The following KIF13A variants were observed in gnomAD, a reference collection of about 807,000 sequenced individuals.
KIF13A encodes kinesin-like protein KIF13A.
A neutral mutation model predicts 212.2 loss-of-function variants in KIF13A; 79 were observed. That is an observed-to-expected ratio of 0.37 (90% CI 0.31 to 0.45). The LOEUF (loss-of-function observed/expected upper bound fraction) is 0.45, where lower values mean the gene tolerates loss of function less well. Among genes scored for constraint, KIF13A ranks in the 20% least tolerant of loss-of-function variants. The pLI, the probability that KIF13A is intolerant of heterozygous loss-of-function variation, is 1.00. For missense variants in KIF13A, 1,901 were observed against 2,209.0 expected (o/e 0.86, Z 2.79); for synonymous variants, 789 against 808.6 (o/e 0.98, Z 0.41).
At chr6:17,952,978 G>A (rs1778011060) in intron 2 of KIF13A, among the ~76,000 whole-genome samples, 1 of 151,782 alleles carries the variant, frequency 6.6e-6, no homozygotes. Context: ...AGGAAGAGGA[G>A]AAGAAGAGAG....
intron 2 of KIF13A, among the ~76,000 whole-genome samples, chr6:17,973,873 C>A (rs1780037771): frequency 6.6e-6 from 1 of 152,172 alleles, no homozygotes; most frequent in African/African-American, 2.4e-5. Flanking sequence ...AAACAGGGAA[C>A]TGGAGCCCAC....
intron 12 of KIF13A, among the ~76,000 whole-genome samples, chr6:17,832,667 T>G (rs1336297015): frequency 6.7e-6 from 1 of 150,158 alleles, no homozygotes; most frequent in Non-Finnish European, 1.5e-5. Context: ...AAAAATAAAA[T>G]AAAATAAAAT....
intron 38 of KIF13A, among the ~76,000 whole-genome samples, chr6:17,766,725 C>A (rs1239312994): frequency 1.3e-5 from 2 of 151,942 alleles, no homozygotes; most frequent in Non-Finnish European, 2.9e-5. Context: ...TGGCCCATAA[C>A]ATAAATTTGC....
chr6:17,913,724 A>AG (rs1245273287), intron 2 of KIF13A, among the ~76,000 whole-genome samples: 2 of 152,108 alleles, frequency 1.3e-5, no homozygotes, highest in African/African-American at 2.4e-5. Flanking sequence ...CAATCCACCG[A>AG]GGGGGGATTG....
intron 2 of KIF13A, among the ~76,000 whole-genome samples, chr6:17,923,274 CTAAA>C (rs34093488): frequency 0.74 from 107,314 of 145,314 alleles, 39,901 homozygotes; most frequent in African/African-American, 0.79. Flanking sequence ...AACACTGTCC[CTAAA>C]TAAATAAATA....
chr6:17,778,636 A>T (rs1363409703), intron 33 of KIF13A, among the ~76,000 whole-genome samples: 3 of 152,144 alleles, frequency 2.0e-5, no homozygotes, highest in African/African-American at 7.2e-5. Flanking sequence ...GCTAACTTCT[A>T]TCAGCCTCAA....
intron 34 of KIF13A, 103 bp from the exon 35 acceptor site, chr6:17,775,165 C>CAG (rs1759842401): frequency 2.4e-6 from 2 of 835,482 alleles, no homozygotes; most frequent in African/African-American, 3.5e-5. Flanking sequence ...CTGCAGTCTT[C>CAG]ATTCTTCTCC....
chr6:17,856,216 TGTTAAAAGTGTA>T lies in KIF13A; in HGVS notation c.221-106_221-95del. The T allele has an allele frequency of 1.1e-6, 1 of 877,082 alleles. No individual in the cohort carries two copies. Among genetic ancestry groups the T allele is most frequent in the Non-Finnish European group, 1.8e-6 (1 of 554,590 alleles). The allele number at this position is 877,082 out of a possible 1,614,324, so 54.3% of individuals were successfully genotyped here. On this transcript the variant is annotated intron_variant, in intron 4 of 38. Transcript: ENST00000259711. The surrounding 1 kb of genome is among the most constrained non-coding windows in gnomAD (Gnocchi z 4.5). ...ACAATATTATGTCAATTCAAAAAAA[TGTTAAAAGTGTA>T]GTACCGAGTGCCCACTAAGTACAGG...
rs116687840 is a variant in KIF13A, at chr6:17,794,921, T to C, written c.2943-217A>G. On this transcript the variant is annotated intron_variant, in intron 23 of 38. Coordinates refer to ENST00000259711, the MANE Select transcript of KIF13A (RefSeq NM_022113.6). This position sits in a 1 kb window ranked among gnomAD's most constrained non-coding sequence, Gnocchi z 4.1. The stretch of plus-strand genomic sequence containing the variant: ...TAGACTGAAATGTCCACATCTTGAG[T>C]ATAGAGCTCGATGAGTTTTGAGAAA... The C allele has an allele frequency of 6.5e-5, 33 of 506,664 alleles. No homozygotes were observed. Among genetic ancestry groups the C allele is most frequent in the Non-Finnish European group, 8.9e-5 (26 of 291,542 alleles). 31.4% of individuals were successfully genotyped at this position (506,664 alleles called of 1,614,324 possible). A position where few individuals can be genotyped will look rare whatever the true frequency, so the allele number is the denominator to read the frequency against.
Position 17,816,747 on chromosome 6 carries a change from A to G in KIF13A, c.2000+273T>C, listed in dbSNP as rs756452753. Among the ~76,000 whole-genome samples, 1 of 152,262 alleles carries G rather than the reference A, an allele frequency of 6.6e-6. No individual in the cohort carries two copies. Among genetic ancestry groups the G allele is most frequent in the South Asian group, 2.1e-4 (1 of 4,834 alleles). The stretch of plus-strand genomic sequence containing the variant: ...AAATTATTCAAACTTTCTAAATTTC[A>G]ATACATACCTGTCTAACCCTTGCAA... On this transcript the variant is annotated intron_variant, in intron 17 of 38. Transcript: ENST00000259711. This position sits in a 1 kb window ranked among gnomAD's most constrained non-coding sequence, Gnocchi z 4.3.
chr6:17,800,209 G>C, intron 20 of KIF13A, 96 bp from the exon 21 acceptor site: 1 of 1,173,432 alleles, frequency 8.5e-7, no homozygotes, highest in Non-Finnish European at 1.2e-6. Context: ...ACCTGGAGAG[G>C]GGCTCTGCAG....
chr6:17,775,000 C>A lies in KIF13A; in HGVS notation c.4218+15G>T. ...AGATTCTACTAAAAACCTAGCCATG[C>A]CCATAGGTGCATACCTTGTCATCTT... On this transcript the variant is annotated intron_variant, in intron 35 of 38. Coordinates refer to ENST00000259711, the MANE Select transcript of KIF13A (RefSeq NM_022113.6). The A allele has an allele frequency of 6.2e-7, 1 of 1,604,136 alleles. No individual in the cohort carries two copies. The highest frequency in any genetic ancestry group is 8.5e-7 in the Non-Finnish European group (1 of 1,174,066).
intron 12 of KIF13A, among the ~76,000 whole-genome samples, chr6:17,833,254 G>C (rs1765616622): frequency 6.6e-6 from 1 of 151,982 alleles, no homozygotes; most frequent in Non-Finnish European, 1.5e-5. Context: ...CAGCACTCTG[G>C]GAAGCTGAGG....
intron 4 of KIF13A, among the ~76,000 whole-genome samples, chr6:17,857,319 A>G (rs1210805076): frequency 6.6e-6 from 1 of 152,082 alleles, no homozygotes; most frequent in Non-Finnish European, 1.5e-5. Context: ...CAAGGGAGGG[A>G]CCTGTTGGGA....
At chr6:17,921,038 G>A (rs919529385) in intron 2 of KIF13A, among the ~76,000 whole-genome samples, 1 of 152,040 alleles carries the variant, frequency 6.6e-6, no homozygotes, top group African/African-American at 2.4e-5. Context: ...CTAGGCAAAT[G>A]GAACCAATGG....
In KIF13A at chr6:17,912,727, A is replaced by G. The variant is rs899988893; in HGVS notation, c.147-14547T>C. 5.3e-5 allele frequency among the ~76,000 whole-genome samples: 8 copies of G among 152,186 alleles called. No individual in the cohort carries two copies. The highest frequency in any genetic ancestry group is 5.2e-4 in the Admixed American group (8 of 15,276). ...GATGGCTGGAAGAAGGGATCACATGAAAATAAACACATCCTCCCAGTAATG... is the reference window on the plus strand; with the variant it reads ...GATGGCTGGAAGAAGGGATCACATGGAAATAAACACATCCTCCCAGTAATG... On this transcript the variant is annotated intron_variant, in intron 2 of 38. Transcript: ENST00000259711. The surrounding 1 kb of genome is among the most constrained non-coding windows in gnomAD (Gnocchi z 4.2).
chr6:17,977,189 G>A (rs936200917), intron 2 of KIF13A, among the ~76,000 whole-genome samples: 3 of 151,288 alleles, frequency 2.0e-5, no homozygotes, highest in African/African-American at 7.3e-5. Flanking sequence ...GAACATGTCA[G>A]GGTGGGGCCC....
At chr6:17,830,474 T>C (rs1483160183) in intron 13 of KIF13A, among the ~76,000 whole-genome samples, 2 of 152,180 alleles carry the variant, frequency 1.3e-5, no homozygotes, top group Non-Finnish European at 2.9e-5. Flanking sequence ...TTTAAGAGTG[T>C]AAATGGGTTC....
Position 17,771,171 on chromosome 6 carries a change from T to G in KIF13A, c.4524A>C (p.Ser1508=). ...QAHNPGCIVP[S]GSNGSSMPVE... is the part of the protein sequence containing the mutation. ...CTGGCATGCTGCTGCCATTGCTTCCTGAGGGTACAATGCAGCCAGGGTTAT... is the reference window on the plus strand; with the variant it reads ...CTGGCATGCTGCTGCCATTGCTTCCGGAGGGTACAATGCAGCCAGGGTTAT... The change falls in exon 38 of 39, where the codon TCA becomes TCC. Residue 1508 remains serine, a synonymous_variant. Transcript: ENST00000259711. The surrounding 1 kb of genome is among the most constrained non-coding windows in gnomAD (Gnocchi z 5.4). 6.2e-7 allele frequency: 1 copy of G among 1,613,472 alleles called. No homozygotes were observed. Among genetic ancestry groups the G allele is most frequent in the Non-Finnish European group, 8.5e-7 (1 of 1,179,698 alleles).
Sources: gnomAD v4.1 joint callset for allele counts (sites outside exome capture counted in the v4.1 genomes callset) on GRCh38, gnomAD v4.1.1 for gene constraint, Gnocchi (gnomAD v3.1) non-coding constraint, MANE v1.5 for transcripts, NCBI Gene and HGNC (gene_info 2026-07-23, HGNC 2026-07-21) for gene names.